NDP: variants seen among roughly 807,000 people sequenced by gnomAD.
NDP encodes the protein norrin.
A neutral mutation model predicts 8.4 loss-of-function variants in NDP; 2 were observed. That is an observed-to-expected ratio of 0.24 (90% CI 0.10 to 0.75). NDP has a LOEUF of 0.75. Ranked by LOEUF, NDP falls within the 30% of genes least tolerant of loss-of-function variation. NDP has a pLI of 0.73. For synonymous variants in NDP, 55 were observed against 45.6 expected (o/e 1.21, Z -0.83); for missense variants, 81 against 110.1 (o/e 0.74, Z 1.18).
intron 2 of NDP, among the ~76,000 whole-genome samples, chrX:43,957,777 A>G (rs2035803652): frequency 2.0e-5 from 2 of 102,214 alleles, no homozygotes; most frequent in East Asian, 3.0e-4. Flanking sequence ...GTTTAGGGGC[A>G]GTGACAGTCG....
chrX:43,965,507 A>G (rs1275049854), intron 1 of NDP, among the ~76,000 whole-genome samples: 1 of 111,641 alleles, frequency 9.0e-6, no homozygotes, highest in Non-Finnish European at 1.9e-5. Flanking sequence ...TTCTCTTAAA[A>G]CTGTCTTAAA....
intron 1 of NDP, among the ~76,000 whole-genome samples, chrX:43,964,857 A>G (rs2035848145): frequency 9.0e-6 from 1 of 111,701 alleles, no homozygotes; most frequent in African/African-American, 3.3e-5. Flanking sequence ...ACTCTACCCA[A>G]GCTTCTCAGA....
At chrX:43,962,083 G>A (rs780334012) in intron 1 of NDP, among the ~76,000 whole-genome samples, 2 of 111,760 alleles carry the variant, frequency 1.8e-5, no homozygotes, top group East Asian at 5.6e-4. Context: ...AGGAAATGTT[G>A]CTTTACCATT....
chrX:43,953,076 CT>C (rs1320492790), intron 2 of NDP, among the ~76,000 whole-genome samples: 1 of 109,574 alleles, frequency 9.1e-6, no homozygotes, highest in African/African-American at 3.4e-5. Flanking sequence ...TTCAAATGCT[CT>C]TTCCTGGAAG....
rs1216464722 is a variant in NDP at position 43,971,692 on chromosome X, T to TA, written c.-208+1611dup. On this transcript the variant is annotated intron_variant, in intron 1 of 2. Transcript: ENST00000642620. ...AATGCTTTGCTAACCGCAGTTTTTTTAAAAAAAAATTACAATAAAATTTTA... is the reference window on the plus strand; with the variant it reads ...AATGCTTTGCTAACCGCAGTTTTTTTAAAAAAAAAATTACAATAAAATTTTA... 5.2e-4 allele frequency among the ~76,000 whole-genome samples: 58 copies of TA among 111,488 alleles called. No individual in the cohort carries two copies. In the Middle Eastern group the frequency reaches 0.014, roughly 27 times the overall value.
intron 2 of NDP, among the ~76,000 whole-genome samples, chrX:43,956,246 T>C (rs764453227): frequency 5.6e-4 from 63 of 111,976 alleles, no homozygotes; most frequent in South Asian, 1.9e-3. Flanking sequence ...TTTCTTGCCT[T>C]TACAAGGCCA....
intron 1 of NDP, among the ~76,000 whole-genome samples, chrX:43,966,826 C>T (rs1291495123): frequency 9.0e-6 from 1 of 111,458 alleles, no homozygotes; most frequent in Admixed American, 9.5e-5. Context: ...TGAACCTCCT[C>T]ACCCGCAACA....
At chrX:43,957,175 G>A (rs150305553) in intron 2 of NDP, among the ~76,000 whole-genome samples, 1,133 of 111,745 alleles carry the variant, frequency 0.01, 3 homozygotes, top group Middle Eastern at 0.051. Flanking sequence ...GGGAGGGAAG[G>A]AGAAACTAAT....
Position 43,949,668 on chromosome X carries a change from T to C in NDP, c.*131A>G. The stretch of plus-strand genomic sequence containing the variant: ...AACAAGCATGTAGAGTCTTTATTAC[T>C]AGAATATGCAGAGTCCCGGGAGAAT... On this transcript the variant is annotated 3_prime_UTR_variant, in exon 3 of 3. Coordinates refer to ENST00000642620, the MANE Select transcript of NDP (RefSeq NM_000266.4). The C allele has an allele frequency of 1.7e-6, 1 of 599,516 alleles. No individual in the cohort carries two copies. Among genetic ancestry groups the C allele is most frequent in the Non-Finnish European group, 2.7e-6 (1 of 365,092 alleles). The allele number at this position is 599,516 out of a possible 1,213,427, so 49.4% of individuals were successfully genotyped here.
rs181716947 is a variant in NDP at position 43,972,000 on chromosome X, C to T, written c.-208+1304G>A. Among the ~76,000 whole-genome samples the T allele has an allele frequency of 4.7e-3, 529 of 111,800 alleles. 5 individuals are homozygous for T. Among genetic ancestry groups the T allele is most frequent in the African/African-American group, 0.015 (475 of 30,720 alleles). Reference sequence around the variant, plus strand: ...CAGTTGAGAAGCATTGTGCCGTCCCCGCTGTATTTGGTTGACACCCACAGC... The same window carrying T: ...CAGTTGAGAAGCATTGTGCCGTCCCTGCTGTATTTGGTTGACACCCACAGC... On this transcript the variant is annotated intron_variant, in intron 1 of 2. Transcript: ENST00000642620.
intron 2 of NDP, among the ~76,000 whole-genome samples, chrX:43,951,140 G>A (rs769328653): frequency 2.1e-4 from 23 of 111,095 alleles, no homozygotes; most frequent in Admixed American, 1.4e-3. Context: ...TGGGCCAGGT[G>A]TATTGTCTCA....
At chrX:43,966,716 C>G (rs2035859678) in intron 1 of NDP, 1 of 111,831 alleles carries the variant, frequency 8.9e-6, no homozygotes, top group African/African-American at 3.3e-5. Context: ...GAGAGGTGAC[C>G]AATGTTAGCT....
intron 1 of NDP, among the ~76,000 whole-genome samples, chrX:43,964,145 A>C (rs769077266): frequency 2.7e-5 from 3 of 111,724 alleles, no homozygotes; most frequent in Non-Finnish European, 5.6e-5. Flanking sequence ...GAAAAAAGAC[A>C]ACATTCTTGT....
intron 1 of NDP, among the ~76,000 whole-genome samples, chrX:43,967,745 T>C (rs939818009): frequency 4.5e-5 from 5 of 111,496 alleles, no homozygotes; most frequent in African/African-American, 1.6e-4. Context: ...AGGGCTGTTG[T>C]TGGTTTGTGG....
At chrX:43,957,785 T>A (rs1412824445) in intron 2 of NDP, among the ~76,000 whole-genome samples, 1 of 101,515 alleles carries the variant, frequency 9.9e-6, no homozygotes, top group African/African-American at 3.6e-5. Flanking sequence ...GCAGTGACAG[T>A]CGTGAGATCT....
intron 2 of NDP, among the ~76,000 whole-genome samples, chrX:43,950,862 C>A (rs1210436970): frequency 1.8e-5 from 2 of 111,456 alleles, no homozygotes; most frequent in Non-Finnish European, 3.8e-5. Context: ...AAGTTATCCC[C>A]AGAAAAATGT....
At chrX:43,961,640 T>C (rs1248753265) in intron 1 of NDP, among the ~76,000 whole-genome samples, 4 of 112,136 alleles carry the variant, frequency 3.6e-5, no homozygotes, top group African/African-American at 1.3e-4. Context: ...TTTTAGATTT[T>C]TGAGCTTGTG....
rs895577220 is a variant in NDP at position 43,951,089 on chromosome X, C to T, written c.175-1063G>A. On this transcript the variant is annotated intron_variant, in intron 2 of 2. Coordinates refer to ENST00000642620, the MANE Select transcript of NDP (RefSeq NM_000266.4). ...TCCCATGGTTATGTAAGAGGTTTTG[C>T]TTGGTGAATTTCATGTTAAGTGATG... Among the ~76,000 whole-genome samples the T allele has an allele frequency of 7.3e-5, 8 of 109,752 alleles. No individual in the cohort carries two copies. The South Asian group carries it at 3.1e-3, about 43-fold the overall frequency.
intron 1 of NDP, among the ~76,000 whole-genome samples, chrX:43,968,171 G>A (rs1444545350): frequency 9.0e-6 from 1 of 111,154 alleles, no homozygotes; most frequent in Non-Finnish European, 1.9e-5. Context: ...AGTTGCTTCA[G>A]ATTGCAAACC....
Sources: allele counts gnomAD v4.1 joint callset (sites outside exome capture counted in the v4.1 genomes callset), GRCh38; gene constraint gnomAD v4.1.1; transcripts MANE v1.5; gene names NCBI Gene and HGNC (gene_info 2026-07-23, HGNC 2026-07-21).